The following PPARG variants were observed in gnomAD, a reference collection of about 807,000 sequenced individuals.
The protein encoded by PPARG is peroxisome proliferator-activated receptor gamma.
PPARG carries 17 observed loss-of-function variants against 39.2 expected under a neutral mutation model. That is an observed-to-expected ratio of 0.43 (90% confidence interval 0.30 to 0.65). PPARG has a LOEUF of 0.65. Among genes scored for constraint, PPARG ranks in the 30% least tolerant of loss-of-function variants. The pLI is 0.13. For missense variants in PPARG, 406 were observed against 585.9 expected (o/e 0.69, Z 3.17); for synonymous variants, 223 against 215.7 (o/e 1.03, Z -0.30).
intron 2 of PPARG, among the ~76,000 whole-genome samples, chr3:12,335,733 G>A (rs1165396535): frequency 6.6e-6 from 1 of 151,814 alleles, no homozygotes; most frequent in South Asian, 2.1e-4. Flanking sequence ...GCAAAGCAAA[G>A]AAAATTCACC....
At chr3:12,367,428 G>T (rs1028758301) in intron 2 of PPARG, among the ~76,000 whole-genome samples, 3 of 152,152 alleles carry the variant, frequency 2.0e-5, no homozygotes, top group Admixed American at 6.5e-5. Flanking sequence ...TGCTGAGGAA[G>T]CAGAAGAAAT....
intron 4 of PPARG, 112 bp from the exon 5 acceptor site, chr3:12,392,502 G>C (rs1371374897): frequency 2.5e-6 from 3 of 1,194,162 alleles, no homozygotes; most frequent in African/African-American, 1.5e-5. Context: ...TGACAGAATC[G>C]TGTCAAGAAC....
chr3:12,404,992 C>T (rs2050608479), intron 5 of PPARG, among the ~76,000 whole-genome samples: 3 of 152,192 alleles, frequency 2.0e-5, no homozygotes, highest in South Asian at 4.2e-4. Context: ...GCTATGTATG[C>T]ATGGGGAACA....
rs1334576815 is a variant in PPARG at position 12,405,142 on chromosome 3, A to G, written c.530-740A>G. Among the ~76,000 whole-genome samples the G allele has an allele frequency of 5.8e-4, 88 of 152,236 alleles. 1 individual carries two copies. The highest frequency in any genetic ancestry group is 7.3e-5 in the Non-Finnish European group (5 of 68,042). Reference sequence around the variant, plus strand: ...AAACATATCTGAGTTGAAAAGTTACAGTTTATTTTTTCCCCAAACTAGTCC... The same window carrying G: ...AAACATATCTGAGTTGAAAAGTTACGGTTTATTTTTTCCCCAAACTAGTCC... On this transcript the variant is annotated intron_variant, in intron 5 of 7. Transcript: ENST00000651735.
chr3:12,371,293 G>A (rs2125145276), intron 2 of PPARG, among the ~76,000 whole-genome samples: 1 of 152,246 alleles, frequency 6.6e-6, no homozygotes, highest in African/African-American at 2.4e-5. Context: ...CTGACATGGA[G>A]CTGTGCCCAT....
intron 2 of PPARG, among the ~76,000 whole-genome samples, chr3:12,374,455 A>G (rs2049333383): frequency 6.6e-6 from 1 of 151,742 alleles, no homozygotes; most frequent in Non-Finnish European, 1.5e-5. Flanking sequence ...AAAAATTAGC[A>G]GGGCATGGTG....
At chr3:12,330,600 C>T (rs747853920) in intron 2 of PPARG, among the ~76,000 whole-genome samples, 6 of 152,170 alleles carry the variant, frequency 3.9e-5, no homozygotes, top group Non-Finnish European at 8.8e-5. Flanking sequence ...GTCAGCCTTC[C>T]ATTGCCATAT....
At chr3:12,301,457 T>C (rs1357781859) in intron 1 of PPARG, 1 of 152,270 alleles carries the variant, frequency 6.6e-6, no homozygotes, top group Non-Finnish European at 1.5e-5. Flanking sequence ...GTTGCTCAGC[T>C]AGTTCATATA....
chr3:12,374,382 T>C (rs1359003926), intron 2 of PPARG, among the ~76,000 whole-genome samples: 1 of 152,112 alleles, frequency 6.6e-6, no homozygotes, highest in Non-Finnish European at 1.5e-5. Context: ...GTAGATCCAT[T>C]GAGGTCAGGA....
At position 12,310,806 on chromosome 3, in the gene PPARG, A is replaced by C. The variant is rs77442093; in HGVS notation, c.-82-1574A>C. ...GCCTTAAATGTAAAAAAAAAAAAAAAAAAAAAAAAAAAAAAAAACCCAAGT... is the reference window on the plus strand; with the variant it reads ...GCCTTAAATGTAAAAAAAAAAAAAACAAAAAAAAAAAAAAAAAACCCAAGT... On this transcript the variant is annotated intron_variant, in intron 1 of 7. Coordinates refer to ENST00000651735, the MANE Select transcript of PPARG (RefSeq NM_138711.6). Among the ~76,000 whole-genome samples, 903 of 145,262 alleles carry C rather than the reference A, an allele frequency of 6.2e-3. 12 individuals are homozygous for C. Among genetic ancestry groups the C allele is most frequent in the African/African-American group, 0.021 (818 of 38,260 alleles).
At chr3:12,410,882 C>A (rs1367402911) in intron 6 of PPARG, among the ~76,000 whole-genome samples, 1 of 152,132 alleles carries the variant, frequency 6.6e-6, no homozygotes, top group Non-Finnish European at 1.5e-5. Flanking sequence ...GGGTTCTTTT[C>A]CCTTTATCTC....
At chr3:12,356,268 T>C (rs1046431671) in intron 2 of PPARG, among the ~76,000 whole-genome samples, 3 of 152,222 alleles carry the variant, frequency 2.0e-5, no homozygotes, top group African/African-American at 7.2e-5. Flanking sequence ...AAAAGCAGTT[T>C]TGCACCTGTA....
At chr3:12,329,234 GTCAA>G (rs1307069709) in intron 2 of PPARG, among the ~76,000 whole-genome samples, 2 of 149,920 alleles carry the variant, frequency 1.3e-5, no homozygotes, top group Non-Finnish European at 3.0e-5. Flanking sequence ...TGATTCTGAT[GTCAA>G]TCACTCATTG....
At chr3:12,418,725 A>C (rs1002226707) in intron 7 of PPARG, among the ~76,000 whole-genome samples, 1 of 152,182 alleles carries the variant, frequency 6.6e-6, no homozygotes, top group African/African-American at 2.4e-5. Context: ...CGTGGCTAGC[A>C]AAAGATGGAG....
At chr3:12,318,959 A>G (rs1445173966) in intron 2 of PPARG, among the ~76,000 whole-genome samples, 1 of 152,170 alleles carries the variant, frequency 6.6e-6, no homozygotes, top group East Asian at 1.9e-4. Flanking sequence ...TTAACCTTTT[A>G]TACTCCCACT....
chr3:12,325,262 G>GA (rs2047660128), intron 2 of PPARG, among the ~76,000 whole-genome samples: 1 of 151,974 alleles, frequency 6.6e-6, no homozygotes, highest in South Asian at 2.1e-4. Flanking sequence ...CTCTACTAAA[G>GA]ATACAAAAAT....
At chr3:12,290,965 T>C (rs1013847827) in intron 1 of PPARG, among the ~76,000 whole-genome samples, 3 of 152,202 alleles carry the variant, frequency 2.0e-5, no homozygotes, top group Admixed American at 6.5e-5. Context: ...ATATTCCCAA[T>C]GCATAGGACA....
At chr3:12,359,700 AG>A (rs2048777925) in intron 2 of PPARG, among the ~76,000 whole-genome samples, 1 of 130,910 alleles carries the variant, frequency 7.6e-6, no homozygotes, top group East Asian at 2.0e-4. Context: ...TTTGAGACAG[AG>A]TCTCACTCTG....
At chr3:12,366,892 G>T (rs980820745) in intron 2 of PPARG, among the ~76,000 whole-genome samples, 24 of 152,052 alleles carry the variant, frequency 1.6e-4, no homozygotes, top group African/African-American at 5.8e-4. Context: ...TTAGTATTAG[G>T]GTAATTCTAG....
Sources: gnomAD v4.1 joint callset for allele counts (sites outside exome capture counted in the v4.1 genomes callset) on GRCh38, gnomAD v4.1.1 for gene constraint, MANE v1.5 for transcripts, NCBI Gene and HGNC (gene_info 2026-07-23, HGNC 2026-07-21) for gene names.